The following KCNIP4 variants were observed in gnomAD, a reference collection of about 807,000 sequenced individuals.
KCNIP4 encodes the protein potassium voltage-gated channel interacting protein 4, also known as Kv channel-interacting protein 4.
Under a neutral mutation model 34.0 loss-of-function variants are expected in KCNIP4, and 12 were observed. That is an observed-to-expected ratio of 0.35 (90% confidence interval 0.23 to 0.57). KCNIP4 has a LOEUF of 0.57. Among genes scored for constraint, KCNIP4 ranks in the 20% least tolerant of loss-of-function variants. The probability of loss-of-function intolerance (pLI) is 0.83; values close to 1 mark genes in which losing one functional copy is unlikely to be tolerated. For missense variants in KCNIP4, 238 were observed against 311.7 expected, an observed-to-expected ratio of 0.76 and a Z score of 1.78; for synonymous variants, 124 against 102.2, an observed-to-expected ratio of 1.21 and a Z score of -1.29.
intron 1 of KCNIP4, among the ~76,000 whole-genome samples, chr4:21,647,600 C>G (rs1008913993): frequency 1.3e-5 from 2 of 152,064 alleles, no homozygotes; most frequent in Non-Finnish European, 2.9e-5. Context: ...TCACACATCA[C>G]AAAAAAGAAC....
At chr4:20,838,296 A>C (rs1719312815) in intron 3 of KCNIP4, among the ~76,000 whole-genome samples, 1 of 152,324 alleles carries the variant, frequency 6.6e-6, no homozygotes, top group African/African-American at 2.4e-5. Context: ...AGTTTGAAGT[A>C]CATCAGTTCA....
intron 1 of KCNIP4, among the ~76,000 whole-genome samples, chr4:21,529,620 T>A (rs1736504959): frequency 6.6e-6 from 1 of 152,180 alleles, no homozygotes; most frequent in Non-Finnish European, 1.5e-5. Context: ...TTGTTATACT[T>A]TTTAAGACAC....
At chr4:21,694,152 G>A (rs4696981) in intron 1 of KCNIP4, among the ~76,000 whole-genome samples, 67,200 of 151,606 alleles carry the variant, frequency 0.44, 18,257 homozygotes, top group Non-Finnish European at 0.61. Context: ...TCTCAATGGG[G>A]CAGCATTCAT....
At chr4:20,803,725 G>GGA (rs1312368498) in intron 3 of KCNIP4, among the ~76,000 whole-genome samples, 11,266 of 91,126 alleles carry the variant, frequency 0.12, 614 homozygotes, top group East Asian at 0.24. Flanking sequence ...GAGAGAGAGA[G>GGA]AGAGGAAGGA....
intron 1 of KCNIP4, among the ~76,000 whole-genome samples, chr4:20,953,394 G>A (rs150348115): frequency 3.9e-5 from 6 of 152,244 alleles, no homozygotes; most frequent in South Asian, 4.1e-4. Flanking sequence ...TAAATGGACC[G>A]GGTGCAGTGG....
chr4:20,781,988 ATAGC>A (rs754596789), intron 3 of KCNIP4, among the ~76,000 whole-genome samples: 24 of 152,188 alleles, frequency 1.6e-4, no homozygotes, highest in Non-Finnish European at 2.5e-4. Context: ...TTAGGTAAAT[ATAGC>A]CATTCCAAAT....
intron 1 of KCNIP4, among the ~76,000 whole-genome samples, chr4:21,486,873 C>T (rs574621533): frequency 6.6e-6 from 1 of 150,830 alleles, no homozygotes; most frequent in South Asian, 2.1e-4. Context: ...GGTGTGATCT[C>T]GGCTCACTGC....
At chr4:21,689,749 G>A (rs1023317657) in intron 1 of KCNIP4, among the ~76,000 whole-genome samples, 3 of 152,060 alleles carry the variant, frequency 2.0e-5, no homozygotes, top group African/African-American at 4.8e-5. Context: ...ACGATGAAAT[G>A]CTCCCTTATG....
At chr4:21,615,569 A>AC (rs55980117) in intron 1 of KCNIP4, among the ~76,000 whole-genome samples, 23,295 of 151,740 alleles carry the variant, frequency 0.15, 2,112 homozygotes, top group South Asian at 0.21. Context: ...ACAAAACAAA[A>AC]AAAAACATAT....
intron 1 of KCNIP4, among the ~76,000 whole-genome samples, chr4:21,871,767 T>TC (rs1207870839): frequency 7.9e-5 from 7 of 88,496 alleles, no homozygotes; most frequent in Admixed American, 1.3e-4. Context: ...GATCCCCACC[T>TC]CCCCCCACCC....
At chr4:21,643,870 TGATA>T (rs5856654) in intron 1 of KCNIP4, among the ~76,000 whole-genome samples, 9,134 of 107,618 alleles carry the variant, frequency 0.085, 344 homozygotes, top group Middle Eastern at 0.13. Flanking sequence ...ATGATGATGA[TGATA>T]GATAGATAGA....
intron 1 of KCNIP4, among the ~76,000 whole-genome samples, chr4:21,462,357 G>A (rs1006586930): frequency 1.3e-5 from 2 of 152,244 alleles, no homozygotes; most frequent in South Asian, 4.1e-4. Flanking sequence ...CACGTCTTAC[G>A]TGGATGGCGG....
intron 1 of KCNIP4, among the ~76,000 whole-genome samples, chr4:21,400,586 C>CT (rs1723469009): frequency 8.6e-6 from 1 of 116,186 alleles, no homozygotes; most frequent in African/African-American, 3.3e-5. Flanking sequence ...TTCGTTCTTT[C>CT]TTTCTTCCTT....
At chr4:21,314,495 G>C (rs1421837097) in intron 1 of KCNIP4, among the ~76,000 whole-genome samples, 1 of 152,172 alleles carries the variant, frequency 6.6e-6, no homozygotes, top group African/African-American at 2.4e-5. Context: ...TACCACAACA[G>C]GTTTCCACTG....
chr4:21,798,022 C>T (rs1234054687), intron 1 of KCNIP4, among the ~76,000 whole-genome samples: 1 of 151,810 alleles, frequency 6.6e-6, no homozygotes, highest in Non-Finnish European at 1.5e-5. Context: ...TTTCAGATTG[C>T]CCCCCACTCC....
At chr4:20,913,419 G>T (rs544634716) in intron 1 of KCNIP4, among the ~76,000 whole-genome samples, 2 of 152,208 alleles carry the variant, frequency 1.3e-5, no homozygotes, top group East Asian at 3.9e-4. Flanking sequence ...TGGGAATGGG[G>T]TTTCTTTTGG....
chr4:21,815,652 T>G (rs1247839976), intron 1 of KCNIP4, among the ~76,000 whole-genome samples: 1 of 152,232 alleles, frequency 6.6e-6, no homozygotes, highest in African/African-American at 2.4e-5. Context: ...TATGTTTTGT[T>G]ATCATTTGAT....
At chr4:20,850,770 G>C (rs1423181031) in intron 2 of KCNIP4, 103 bp from the exon 3 acceptor site, 4 of 1,367,182 alleles carry the variant, frequency 2.9e-6, no homozygotes, top group Non-Finnish European at 3.9e-6. Flanking sequence ...TAATGTCTGT[G>C]ACTGTCCACA....
At chr4:21,419,750 A>G (rs1395912400) in intron 1 of KCNIP4, among the ~76,000 whole-genome samples, 2 of 152,128 alleles carry the variant, frequency 1.3e-5, no homozygotes, top group African/African-American at 2.4e-5. Context: ...GCTCCCTGCC[A>G]AGTCATTGTT....
Sources: gnomAD v4.1 joint callset for allele counts (sites outside exome capture counted in the v4.1 genomes callset) on GRCh38, gnomAD v4.1.1 for gene constraint, MANE v1.5 for transcripts, NCBI Gene and HGNC (gene_info 2026-07-23, HGNC 2026-07-21) for gene names.